The following SGCD variants were observed in gnomAD, a reference collection of about 807,000 sequenced individuals.
SGCD encodes delta-sarcoglycan.
Under a neutral mutation model 36.6 loss-of-function variants are expected in SGCD, and 18 were observed. That is an observed-to-expected ratio of 0.49 (90% confidence interval 0.34 to 0.73). The LOEUF is 0.73. Among genes scored for constraint, SGCD ranks in the 30% least tolerant of loss-of-function variants. The probability of loss-of-function intolerance (pLI) is 0.01; values close to 1 mark genes in which losing one functional copy is unlikely to be tolerated. For missense variants in SGCD, 387 were observed against 346.7 expected (o/e 1.12, Z -0.92); for synonymous variants, 133 against 130.6 (o/e 1.02, Z -0.12).
chr5:155,993,687 C>T (rs1758481846), intron 1 of SGCD, among the ~76,000 whole-genome samples: 2 of 152,116 alleles, frequency 1.3e-5, no homozygotes, highest in African/African-American at 4.8e-5. Context: ...TCTTCACTTA[C>T]ACGTCTAGTA....
At position 156,583,571 on chromosome 5, in the gene SGCD, G is replaced by T. The variant is rs188561224; in HGVS notation, c.295-5660G>T. Among the ~76,000 whole-genome samples the T allele has an allele frequency of 2.6e-3, 390 of 152,326 alleles. 2 individuals carry two copies. The highest frequency in any genetic ancestry group is 8.8e-3 in the African/African-American group (367 of 41,578). On this transcript the variant is annotated intron_variant, in intron 4 of 8. Transcript: ENST00000337851. ...TAGCAGATGCCACAAGGTAACCAGA[G>T]TGATCATGTTTAGTTCACACCTTCT...
intron 3 of SGCD, among the ~76,000 whole-genome samples, chr5:156,263,862 T>C (rs972324): frequency 0.21 from 32,576 of 152,012 alleles, 3,905 homozygotes; most frequent in Admixed American, 0.27. Flanking sequence ...CTTTTTCCAC[T>C]TTAAGTTTTT....
At chr5:156,209,828 C>T (rs1209112786) in intron 3 of SGCD, among the ~76,000 whole-genome samples, 2 of 152,112 alleles carry the variant, frequency 1.3e-5, no homozygotes, top group African/African-American at 4.8e-5. Flanking sequence ...GCCCCAGAAC[C>T]CCTCTGAAGA....
intron 1 of SGCD, among the ~76,000 whole-genome samples, chr5:155,945,995 C>T (rs981078265): frequency 4.6e-5 from 7 of 151,992 alleles, no homozygotes; most frequent in East Asian, 3.8e-4. Flanking sequence ...GAGAGATATA[C>T]GAGGTAAAAT....
chr5:156,721,312 A>C (rs1755489649), intron 7 of SGCD, among the ~76,000 whole-genome samples: 1 of 152,222 alleles, frequency 6.6e-6, no homozygotes, highest in Non-Finnish European at 1.5e-5. Flanking sequence ...GTATTGATTA[A>C]GGTCAGGAAG....
intron 1 of SGCD, among the ~76,000 whole-genome samples, chr5:155,912,223 A>T (rs1212578155): frequency 6.6e-6 from 1 of 152,062 alleles, no homozygotes; most frequent in Admixed American, 6.6e-5. Flanking sequence ...ACGTGTGCTC[A>T]AGCAGCTCTA....
intron 2 of SGCD, among the ~76,000 whole-genome samples, chr5:156,330,898 C>T (rs1466368340): frequency 1.3e-5 from 2 of 152,164 alleles, no homozygotes; most frequent in African/African-American, 4.8e-5. Context: ...ACATCATCTC[C>T]AAAATGTGTC....
At chr5:155,993,031 A>C (rs1452912703) in intron 1 of SGCD, among the ~76,000 whole-genome samples, 3 of 152,188 alleles carry the variant, frequency 2.0e-5, no homozygotes, top group South Asian at 2.1e-4. Context: ...CCAGGATCTA[A>C]ATAGAGATAG....
chr5:156,445,107 G>A (rs996388779), intron 3 of SGCD, among the ~76,000 whole-genome samples: 1 of 152,118 alleles, frequency 6.6e-6, no homozygotes, highest in African/African-American at 2.4e-5. Context: ...AATTTCCTTT[G>A]CCACTGAGAA....
intron 3 of SGCD, among the ~76,000 whole-genome samples, chr5:156,433,694 CTT>C (rs1212716755): frequency 1.3e-5 from 2 of 152,126 alleles, no homozygotes; most frequent in Non-Finnish European, 2.9e-5. Context: ...GCAAAAAAGT[CTT>C]TTATCAGGGC....
the SGCD span, among the ~76,000 whole-genome samples, chr5:155,840,326 C>G: frequency 1.3e-5 from 2 of 151,386 alleles, no homozygotes; most frequent in Non-Finnish European, 2.9e-5. Context: ...TCACTGCAAG[C>G]TCCACCTCCT....
At chr5:156,334,106 G>A (rs1157708261) in intron 2 of SGCD, among the ~76,000 whole-genome samples, 4 of 152,114 alleles carry the variant, frequency 2.6e-5, no homozygotes, top group Admixed American at 2.6e-4. Context: ...TCAAGTGTTT[G>A]AGTCATGTTC....
intron 7 of SGCD, among the ~76,000 whole-genome samples, chr5:156,712,246 T>C (rs1755025062): frequency 6.6e-6 from 1 of 152,180 alleles, no homozygotes; most frequent in African/African-American, 2.4e-5. Context: ...ATGAAGTTGC[T>C]CTGGTTTAAA....
intron 5 of SGCD, among the ~76,000 whole-genome samples, chr5:156,589,988 G>A (rs1426800371): frequency 1.3e-5 from 2 of 152,172 alleles, no homozygotes; most frequent in East Asian, 1.9e-4. Context: ...ATTTGGTAAC[G>A]TGTTGAGCAG....
At chr5:156,521,004 G>A (rs889782478) in intron 4 of SGCD, among the ~76,000 whole-genome samples, 1 of 121,534 alleles carries the variant, frequency 8.2e-6, no homozygotes, top group Non-Finnish European at 1.6e-5. Flanking sequence ...GTGACAGAGC[G>A]AGACTCCGTC....
chr5:155,979,774 C>T (rs1418757704), intron 1 of SGCD, among the ~76,000 whole-genome samples: 1 of 152,150 alleles, frequency 6.6e-6, no homozygotes, highest in Non-Finnish European at 1.5e-5. Flanking sequence ...ATGAATCCTT[C>T]ATTTCTGAAA....
intron 8 of SGCD, among the ~76,000 whole-genome samples, chr5:156,758,391 T>G (rs541519398): frequency 0.023 from 1,359 of 58,014 alleles, 8 homozygotes; most frequent in Non-Finnish European, 0.031. Flanking sequence ...ATCTGTGTGT[T>G]TTTTTTTTTT....
intron 7 of SGCD, among the ~76,000 whole-genome samples, chr5:156,751,958 A>C (rs914000129): frequency 1.3e-5 from 2 of 152,232 alleles, no homozygotes; most frequent in Non-Finnish European, 2.9e-5. Flanking sequence ...GCATTCAGGC[A>C]TCAGGAGCCA....
At chr5:156,675,912 G>A (rs1753487850) in intron 7 of SGCD, among the ~76,000 whole-genome samples, 2 of 152,264 alleles carry the variant, frequency 1.3e-5, no homozygotes, top group Admixed American at 1.3e-4. Flanking sequence ...ATTAAATCAA[G>A]CTCCTTAGAG....
Sources: allele counts gnomAD v4.1 joint callset (sites outside exome capture counted in the v4.1 genomes callset), GRCh38; gene constraint gnomAD v4.1.1; transcripts MANE v1.5; gene names NCBI Gene and HGNC (gene_info 2026-07-23, HGNC 2026-07-21).